The following PARD3 variants were observed in gnomAD, a reference collection of about 807,000 sequenced individuals.
PARD3 encodes par-3 family cell polarity regulator, also known as partitioning defective 3 homolog.
In PARD3, 75 loss-of-function variants were observed where a neutral mutation model predicts 155.4. The observed-to-expected ratio is 0.48, with a 90% confidence interval of 0.40 to 0.58. The LOEUF (loss-of-function observed/expected upper bound fraction) is 0.58, where lower values mean the gene tolerates loss of function less well. Ranked by LOEUF, PARD3 falls within the 20% of genes least tolerant of loss-of-function variation. The pLI is 0.00. For missense variants in PARD3, 1,642 were observed against 1,721.7 expected, an observed-to-expected ratio of 0.95 and a Z score of 0.82; for synonymous variants, 576 against 610.5, an observed-to-expected ratio of 0.94 and a Z score of 0.83.
intron 2 of PARD3, among the ~76,000 whole-genome samples, chr10:34,525,154 T>C (rs931637040): frequency 3.3e-5 from 5 of 152,212 alleles, no homozygotes; most frequent in Non-Finnish European, 5.9e-5. Context: ...TTTGTAATCA[T>C]AGTAATACAA....
intron 5 of PARD3, among the ~76,000 whole-genome samples, chr10:34,427,806 G>A (rs2075697059): frequency 6.6e-6 from 1 of 152,070 alleles, no homozygotes; most frequent in Non-Finnish European, 1.5e-5. Context: ...GACACTTAGG[G>A]AAAATATAAA....
chr10:34,452,937 T>A (rs924307575), intron 4 of PARD3, among the ~76,000 whole-genome samples: 2 of 152,218 alleles, frequency 1.3e-5, no homozygotes, highest in Non-Finnish European at 2.9e-5. Flanking sequence ...ATTTTGGTCC[T>A]CGGCCATAAA....
intron 5 of PARD3, among the ~76,000 whole-genome samples, chr10:34,429,554 GTTTTGTTTTGTT>G (rs1330729505): frequency 4.5e-5 from 1 of 21,998 alleles, no homozygotes; most frequent in Non-Finnish European, 8.7e-5. Context: ...CTCTAACTCA[GTTTTGTTTTGTT>G]TTGTTTTGTT....
intron 2 of PARD3, among the ~76,000 whole-genome samples, chr10:34,529,520 AC>A (rs989384981): frequency 1.3e-5 from 2 of 152,010 alleles, no homozygotes; most frequent in Admixed American, 1.3e-4. Context: ...AGGGATGCAA[AC>A]CCCCCACACA....
intron 1 of PARD3, among the ~76,000 whole-genome samples, chr10:34,735,234 A>G (rs1488804344): frequency 2.0e-5 from 3 of 152,202 alleles, no homozygotes; most frequent in African/African-American, 7.2e-5. Context: ...CATAAGTTGT[A>G]TGTTTCTTTT....
At chr10:34,372,265 T>C (rs1349860686) in intron 12 of PARD3, among the ~76,000 whole-genome samples, 1 of 152,082 alleles carries the variant, frequency 6.6e-6, no homozygotes. Flanking sequence ...GAATAGGAAG[T>C]CTCTCTCTTT....
Position 34,353,321 on chromosome 10 carries a change from G to A in PARD3, c.2068-5206C>T, listed in dbSNP as rs574878664. 5.3e-5 allele frequency among the ~76,000 whole-genome samples: 8 copies of A among 152,342 alleles called. No homozygotes were observed. In the South Asian group the frequency reaches 8.3e-4, roughly 16 times the overall value. Reference sequence around the variant, plus strand: ...GAAAGAGAGATCAGATTTTTACTGTGTCTGTGTAGAAAGAAGTAGACATAG... The same window carrying A: ...GAAAGAGAGATCAGATTTTTACTGTATCTGTGTAGAAAGAAGTAGACATAG... On this transcript the variant is annotated intron_variant, in intron 14 of 24. Coordinates refer to ENST00000374788, the MANE Select transcript of PARD3 (RefSeq NM_001184785.2).
intron 2 of PARD3, among the ~76,000 whole-genome samples, chr10:34,668,233 T>A (rs2093537284): frequency 6.6e-6 from 1 of 152,242 alleles, no homozygotes; most frequent in Non-Finnish European, 1.5e-5. Flanking sequence ...TGTCTTGACC[T>A]TATCAAAAAA....
intron 22 of PARD3, among the ~76,000 whole-genome samples, chr10:34,181,078 T>C (rs1950246222): frequency 6.6e-6 from 1 of 152,224 alleles, no homozygotes; most frequent in Non-Finnish European, 1.5e-5. Context: ...TACTACCATC[T>C]TGATAGACTG....
intron 1 of PARD3, among the ~76,000 whole-genome samples, chr10:34,729,568 T>TA (rs1308928184): frequency 2.0e-5 from 3 of 151,064 alleles, no homozygotes; most frequent in Non-Finnish European, 4.4e-5. Flanking sequence ...TATGATGCTA[T>TA]AAAAAAGGAT....
chr10:34,509,889 C>T (rs1293251105), intron 3 of PARD3, among the ~76,000 whole-genome samples: 1 of 152,194 alleles, frequency 6.6e-6, no homozygotes, highest in Non-Finnish European at 1.5e-5. Context: ...CAGTTTAATA[C>T]AGCAGCCACA....
intron 1 of PARD3, among the ~76,000 whole-genome samples, chr10:34,754,371 T>C (rs767696141): frequency 2.6e-5 from 4 of 152,140 alleles, no homozygotes; most frequent in African/African-American, 7.2e-5. Context: ...ACCTTACCAA[T>C]AAAAACACTT....
At chr10:34,538,942 A>T (rs965513524) in intron 2 of PARD3, among the ~76,000 whole-genome samples, 1 of 152,222 alleles carries the variant, frequency 6.6e-6, no homozygotes. Context: ...ACAATTCCAA[A>T]ATCAAATGAC....
At chr10:34,143,516 A>G (rs1381322213) in intron 22 of PARD3, among the ~76,000 whole-genome samples, 1 of 152,230 alleles carries the variant, frequency 6.6e-6, no homozygotes, top group African/African-American at 2.4e-5. Context: ...ATTCAAGGCG[A>G]ACATTTTCTT....
intron 1 of PARD3, among the ~76,000 whole-genome samples, chr10:34,762,259 G>GGAGAGA (rs139337549): frequency 4.0e-5 from 6 of 149,412 alleles, no homozygotes; most frequent in East Asian, 4.0e-4. Flanking sequence ...GGAGGGAGAG[G>GGAGAGA]GAGAGAGAGA....
At chr10:34,800,167 C>T (rs1190487984) in intron 1 of PARD3, among the ~76,000 whole-genome samples, 1 of 151,344 alleles carries the variant, frequency 6.6e-6, no homozygotes, top group Non-Finnish European at 1.5e-5. Context: ...TTCTTATCCT[C>T]TCTAGCCCAA....
At chr10:34,284,002 C>T in intron 21 of PARD3, 133 bp downstream of exon 21, 3 of 608,618 alleles carry the variant, frequency 4.9e-6, no homozygotes, top group Admixed American at 6.6e-5. Context: ...CCACAACCAT[C>T]AATATTTGGG....
At chr10:34,417,788 C>T (rs372501414) in intron 5 of PARD3, among the ~76,000 whole-genome samples, 2 of 152,146 alleles carry the variant, frequency 1.3e-5, no homozygotes, top group African/African-American at 4.8e-5. Context: ...GAGAAATACC[C>T]TTCCTTAACC....
intron 2 of PARD3, among the ~76,000 whole-genome samples, chr10:34,599,197 G>GT (rs2089556911): frequency 1.3e-5 from 2 of 152,210 alleles, no homozygotes; most frequent in East Asian, 1.9e-4. Context: ...AACTCTTAGC[G>GT]TAAGTATGGC....
Sources: gnomAD v4.1 joint callset for allele counts (sites outside exome capture counted in the v4.1 genomes callset) on GRCh38, gnomAD v4.1.1 for gene constraint, MANE v1.5 for transcripts, NCBI Gene and HGNC (gene_info 2026-07-23, HGNC 2026-07-21) for gene names.